Variants in CTRC observed in about 807,000 individuals in gnomAD.
CTRC encodes chymotrypsin C, also known as chymotrypsin-C.
Under a neutral mutation model 35.7 loss-of-function variants are expected in CTRC, and 32 were observed. The ratio of observed to expected loss-of-function variants is 0.90; its 90% CI spans 0.68 to 1.20. The LOEUF (loss-of-function observed/expected upper bound fraction) is 1.20. Ranked by LOEUF, CTRC falls within the 50% of genes most tolerant of loss-of-function variation. The pLI is 0.00. For missense variants in CTRC, 324 were observed against 361.5 expected (o/e 0.90, Z 0.84); for synonymous variants, 119 against 149.5 (o/e 0.80, Z 1.49).
chr1:15,440,231 C>T, intron 1 of CTRC, 69 bp from the exon 2 acceptor site: 4 of 456,974 alleles, frequency 8.8e-6, no homozygotes, highest in Non-Finnish European at 1.3e-5. Context: ...CACCTGCCCA[C>T]CCTCCCACCC....
intron 7 of CTRC, among the ~76,000 whole-genome samples, chr1:15,445,953 CTCATGCATTCATTCAT>C (rs1407497287): frequency 8.9e-6 from 1 of 112,182 alleles, no homozygotes; most frequent in Non-Finnish European, 1.8e-5. Flanking sequence ...TATTCATTCA[CTCATGCATTCATTCAT>C]TCATTTATTC....
rs756394210 is a variant in CTRC at position 15,440,328 on chromosome 1, G to A, written c.69G>A (p.Pro23=). 1.3e-5 allele frequency: 20 copies of A among 1,541,294 alleles called. No individual in the cohort carries two copies. Among genetic ancestry groups the A allele is most frequent in the African/African-American group, 1.0e-4 (7 of 69,472 alleles). ...CCAGCTGTGGGGTGCCCAGCTTCCC[G>A]CCCAACCTATCCGCCCGAGTGGTGG... ...CASSCGVPSF[P]PNLSARVVGG... The change falls in exon 2 of 8, where the codon CCG becomes CCA. Residue 23 remains proline, a synonymous_variant. Coordinates refer to ENST00000375949, the MANE Select transcript of CTRC (RefSeq NM_007272.3).
chr1:15,444,822 A>G, intron 6 of CTRC, 71 bp downstream of exon 6: 1 of 1,598,456 alleles, frequency 6.3e-7, no homozygotes, highest in Non-Finnish European at 8.6e-7. Context: ...GGGGGGTGCG[A>G]TGGACCAAAC....
intron 7 of CTRC, 103 bp downstream of exon 7, chr1:15,445,852 A>G (rs1708210828): frequency 7.3e-7 from 1 of 1,361,180 alleles, no homozygotes; most frequent in South Asian, 1.2e-5. Flanking sequence ...TCATTCATTC[A>G]TTTATTCACT....
intron 1 of CTRC, 51 bp from the exon 2 acceptor site, chr1:15,440,249 C>G (rs1395258966): frequency 8.7e-7 from 1 of 1,152,926 alleles, no homozygotes; most frequent in Non-Finnish European, 1.3e-6. Flanking sequence ...CCCCTTTCCC[C>G]GTGGGCTACC....
At chr1:15,438,616 G>T in intron 1 of CTRC, 112 bp downstream of exon 1, 1 of 1,262,784 alleles carries the variant, frequency 7.9e-7, no homozygotes, top group East Asian at 2.3e-5. Context: ...AGACACTTTG[G>T]GGTCCCCTGT....
In CTRC at chr1:15,440,510, C is replaced by G; in HGVS notation, c.150C>G (p.Leu50=). ...TCCTGCAGATCTCCCTCCAGTACCT[C>G]AAGAACGACACGTGGAGGCATACGT... ...SWPWQISLQY[L]KNDTWRHTCG... Residue 50 remains leucine, a synonymous_variant, in exon 3 of 8, where the codon CTC becomes CTG. Transcript: ENST00000375949. The G allele has an allele frequency of 1.2e-6, 2 of 1,614,186 alleles. No homozygotes were observed. Among genetic ancestry groups the G allele is most frequent in the Non-Finnish European group, 1.7e-6 (2 of 1,180,028 alleles).
intron 6 of CTRC, 103 bp from the exon 7 acceptor site, chr1:15,445,494 G>A: frequency 1.6e-6 from 2 of 1,257,190 alleles, no homozygotes; most frequent in Non-Finnish European, 2.3e-6. Context: ...CACTAACTAA[G>A]GCTGAGAAGC....
At position 15,443,568 on chromosome 1, in the gene CTRC, C is replaced by G. The variant is rs754270976; in HGVS notation, c.493+13C>G. The G allele has an allele frequency of 3.1e-6, 5 of 1,614,050 alleles. No individual in the cohort carries two copies. In the East Asian group the frequency reaches 8.9e-5, roughly 29 times the overall value. On this transcript the variant is annotated intron_variant, in intron 5 of 7. Coordinates refer to ENST00000375949, the MANE Select transcript of CTRC (RefSeq NM_007272.3). ...GGCCGCCTCTGGAGTGAGTATCGTCCCTGGCAAATCCTGAGAGCCTTCCTG... is the reference window on the plus strand; with the variant it reads ...GGCCGCCTCTGGAGTGAGTATCGTCGCTGGCAAATCCTGAGAGCCTTCCTG...
At chr1:15,445,560 G>T (rs777470722) in intron 6 of CTRC, 37 bp from the exon 7 acceptor site, 7 of 1,607,430 alleles carry the variant, frequency 4.4e-6, no homozygotes, top group Non-Finnish European at 6.0e-6. Context: ...CCTCTGGGGG[G>T]GGGCCTGGTG....
intron 3 of CTRC, 39 bp downstream of exon 3, chr1:15,440,629 G>T: frequency 1.9e-6 from 3 of 1,584,632 alleles, no homozygotes; most frequent in South Asian, 2.2e-5. Context: ...GCCATCGTCC[G>T]GGGGCGGAAG....
At chr1:15,442,394 C>T (rs1708147743) in intron 3 of CTRC, 53 bp from the exon 4 acceptor site, 12 of 1,570,772 alleles carry the variant, frequency 7.6e-6, no homozygotes, top group Non-Finnish European at 1.0e-5. Context: ...CTCTATCCCA[C>T]TGGCTGGCAG....
rs1484225653 is a variant in CTRC, at chr1:15,443,417, A to C, written c.357-2A>C. 6.2e-7 allele frequency: 1 copy of C among 1,614,210 alleles called. No homozygotes were observed. Among genetic ancestry groups the C allele is most frequent in the East Asian group, 2.2e-5 (1 of 44,882 alleles). On this transcript the variant is annotated splice_acceptor_variant, in intron 4 of 7. Coordinates refer to ENST00000375949, the MANE Select transcript of CTRC (RefSeq NM_007272.3). LOFTEE classifies it high-confidence loss of function. ...ACTCACCCTCTCCACTTTGGATTCC[A>C]GCAATGATATTGCCCTCATCAAGCT...
intron 7 of CTRC, 100 bp downstream of exon 7, chr1:15,445,849 T>A (rs1181152315): frequency 7.2e-7 from 1 of 1,382,374 alleles, no homozygotes; most frequent in Non-Finnish European, 1.0e-6. Context: ...TATTCATTCA[T>A]TCATTTATTC....
At chr1:15,439,423 CAA>C (rs35524971) in intron 1 of CTRC, among the ~76,000 whole-genome samples, 2,841 of 110,848 alleles carry the variant, frequency 0.026, 67 homozygotes, top group East Asian at 0.097. Context: ...AACTCCGTCT[CAA>C]AAAAAAAAAA....
At chr1:15,439,988 C>T (rs1332314532) in intron 1 of CTRC, among the ~76,000 whole-genome samples, 2 of 152,226 alleles carry the variant, frequency 1.3e-5, no homozygotes, top group Non-Finnish European at 2.9e-5. Context: ...GCGATCCACC[C>T]GCCTTGGCCA....
intron 1 of CTRC, among the ~76,000 whole-genome samples, chr1:15,438,856 C>T (rs1708081041): frequency 6.6e-6 from 1 of 152,188 alleles, no homozygotes; most frequent in Admixed American, 6.5e-5. Context: ...GAGGATTCTC[C>T]ATTCCATCAT....
rs1219208815 is a variant in CTRC, at chr1:15,448,263, C to G, written c.*1674C>G. On this transcript the variant is annotated 3_prime_UTR_variant, in exon 8 of 8. Coordinates refer to ENST00000375949, the MANE Select transcript of CTRC (RefSeq NM_007272.3). ...TCTCAGCTCACTGCAACCTCCACCT[C>G]CCAGGTTCAAGTGATTCTTCTGCCT... The G allele has an allele frequency of 1.3e-5, 2 of 151,024 alleles. No homozygotes were observed. The highest frequency in any genetic ancestry group is 2.9e-5 in the Non-Finnish European group (2 of 67,948). 9.4% of individuals were successfully genotyped at this position (151,024 alleles called of 1,614,324 possible).
In CTRC at chr1:15,440,340, C is replaced by T. The variant is rs749455108; in HGVS notation, c.81C>T (p.Ser27=). ...TGCCCAGCTTCCCGCCCAACCTATC[C>T]GCCCGAGTGGTGGGAGGAGAGGATG... ...CGVPSFPPNL[S]ARVVGGEDAR... The change falls in exon 2 of 8, where the codon TCC becomes TCT. Residue 27 remains serine, a synonymous_variant. Coordinates refer to ENST00000375949, the MANE Select transcript of CTRC (RefSeq NM_007272.3). 15 of 1,610,018 alleles carry T rather than the reference C, an allele frequency of 9.3e-6. No individual in the cohort carries two copies. The highest frequency in any genetic ancestry group is 6.7e-5 in the African/African-American group (5 of 74,740).
Sources: allele counts gnomAD v4.1 joint callset (sites outside exome capture counted in the v4.1 genomes callset), GRCh38; gene constraint gnomAD v4.1.1; transcripts MANE v1.5; gene names NCBI Gene and HGNC (gene_info 2026-07-23, HGNC 2026-07-21).